MACROD2: variants seen among roughly 807,000 people sequenced by gnomAD.
The protein encoded by MACROD2 is ADP-ribose glycohydrolase MACROD2.
In MACROD2, 36 loss-of-function variants were observed where a neutral mutation model predicts 70.4. The ratio of observed to expected loss-of-function variants is 0.51; its 90% CI spans 0.39 to 0.68. The LOEUF (loss-of-function observed/expected upper bound fraction) is 0.68. Among genes scored for constraint, MACROD2 ranks in the 30% least tolerant of loss-of-function variants. MACROD2 has a pLI of 0.00. For missense variants in MACROD2, 496 were observed against 538.4 expected (o/e 0.92, Z 0.78); for synonymous variants, 172 against 178.8 (o/e 0.96, Z 0.30).
At chr20:14,638,265 T>C (rs1302491270) in intron 4 of MACROD2, among the ~76,000 whole-genome samples, 3 of 152,214 alleles carry the variant, frequency 2.0e-5, no homozygotes, top group Non-Finnish European at 2.9e-5. Flanking sequence ...TTACATTTCA[T>C]ACTTACAAAA....
intron 5 of MACROD2, among the ~76,000 whole-genome samples, chr20:15,162,252 G>C (rs571837576): frequency 6.6e-6 from 1 of 152,198 alleles, no homozygotes; most frequent in South Asian, 2.1e-4. Flanking sequence ...AGAAAGAGGA[G>C]TGGTAGGAGT....
intron 3 of MACROD2, among the ~76,000 whole-genome samples, chr20:14,365,493 TA>T (rs576300707): frequency 7.2e-4 from 109 of 152,054 alleles, no homozygotes; most frequent in African/African-American, 2.5e-3. Flanking sequence ...GATTATTGTA[TA>T]TTTTTTACCC....
intron 5 of MACROD2, among the ~76,000 whole-genome samples, chr20:15,140,684 T>C (rs1429573886): frequency 6.6e-6 from 1 of 152,098 alleles, no homozygotes; most frequent in African/African-American, 2.4e-5. Flanking sequence ...GAACATGGTC[T>C]GGGAAGGAAA....
chr20:15,956,347 T>G (rs2065976598), intron 12 of MACROD2, among the ~76,000 whole-genome samples: 1 of 152,214 alleles, frequency 6.6e-6, no homozygotes, highest in African/African-American at 2.4e-5. Context: ...GAGTTTCAGA[T>G]TTTTAACAGT....
chr20:14,474,231 TC>T (rs1286565029), intron 3 of MACROD2, among the ~76,000 whole-genome samples: 1 of 152,094 alleles, frequency 6.6e-6, no homozygotes, highest in Non-Finnish European at 1.5e-5. Context: ...TGAGGTCTTA[TC>T]CAAAAAAACC....
intron 3 of MACROD2, among the ~76,000 whole-genome samples, chr20:14,386,015 C>CA (rs909764045): frequency 1.4e-5 from 2 of 138,750 alleles, no homozygotes; most frequent in African/African-American, 4.9e-5. Context: ...CTGTATGAGC[C>CA]AATACAGCGT....
intron 3 of MACROD2, among the ~76,000 whole-genome samples, chr20:14,226,400 A>T (rs2081733884): frequency 6.6e-6 from 1 of 152,164 alleles, no homozygotes; most frequent in Non-Finnish European, 1.5e-5. Flanking sequence ...CTGGGCTCCC[A>T]CTTTGGCGGC....
chr20:14,640,826 C>A (rs138121779), intron 4 of MACROD2, among the ~76,000 whole-genome samples: 1 of 152,166 alleles, frequency 6.6e-6, no homozygotes, highest in African/African-American at 2.4e-5. Context: ...ATCATCTGAG[C>A]CTTCAACAAG....
At chr20:14,198,719 C>T (rs1229323604) in intron 3 of MACROD2, among the ~76,000 whole-genome samples, 1 of 152,122 alleles carries the variant, frequency 6.6e-6, no homozygotes, top group Non-Finnish European at 1.5e-5. Flanking sequence ...TTTCCAGTCT[C>T]TGATCCTTTT....
rs769199736 is a variant in MACROD2, at chr20:14,215,996, CA to C, written c.271+130272del. On this transcript the variant is annotated intron_variant, in intron 3 of 17. Transcript: ENST00000684519. The stretch of plus-strand genomic sequence containing the variant: ...TCTGCTGACTGTTCCTTTTGCTGTG[CA>C]AAAGCTCTTTAGTTTAATTAAGTCC... Among the ~76,000 whole-genome samples the C allele has an allele frequency of 8.5e-5, 13 of 152,234 alleles. No homozygotes were observed. In the East Asian group the frequency reaches 1.9e-3, roughly 23 times the overall value.
At chr20:14,635,979 G>A (rs1984765663) in intron 4 of MACROD2, among the ~76,000 whole-genome samples, 1 of 152,090 alleles carries the variant, frequency 6.6e-6, no homozygotes, top group African/African-American at 2.4e-5. Flanking sequence ...TTAGTCTAAT[G>A]TTCAATGGGA....
rs1015161821 is a variant in MACROD2 at position 14,707,667 on chromosome 20, A to T, written c.418+22708A>T. ...ATTCGGACTCAGCAAGATCATTTTTATTTTTGACCAGAACCTTATAAATAA... is the reference window on the plus strand; with the variant it reads ...ATTCGGACTCAGCAAGATCATTTTTTTTTTTGACCAGAACCTTATAAATAA... On this transcript the variant is annotated intron_variant, in intron 5 of 17. Transcript: ENST00000684519. Among the ~76,000 whole-genome samples the T allele has an allele frequency of 3.3e-5, 5 of 152,278 alleles. No individual in the cohort carries two copies. In the East Asian group the frequency reaches 9.6e-4, roughly 29 times the overall value.
At chr20:14,074,375 T>C (rs2053890054) in intron 2 of MACROD2, among the ~76,000 whole-genome samples, 1 of 152,216 alleles carries the variant, frequency 6.6e-6, no homozygotes, top group Non-Finnish European at 1.5e-5. Flanking sequence ...CATCCAGGAC[T>C]CAGCTGTATA....
At chr20:14,718,756 G>GAAAATGATAAAATAATACTCGTGAAA (rs1170213221) in intron 5 of MACROD2, among the ~76,000 whole-genome samples, 4 of 151,638 alleles carry the variant, frequency 2.6e-5, no homozygotes, top group Non-Finnish European at 5.9e-5. Context: ...AACTTTTCCA[G>GAAAATGATAAAATAATACTCGTGAAA]AAAATGATAA....
chr20:15,208,936 G>T (rs888327945), intron 5 of MACROD2, among the ~76,000 whole-genome samples: 2 of 152,118 alleles, frequency 1.3e-5, no homozygotes, highest in Non-Finnish European at 2.9e-5. Context: ...AGGACAGGAA[G>T]TGCCTCGGTA....
At chr20:15,668,682 G>A (rs909458703) in intron 8 of MACROD2, among the ~76,000 whole-genome samples, 7 of 152,132 alleles carry the variant, frequency 4.6e-5, no homozygotes, top group South Asian at 2.1e-4. Flanking sequence ...GATGTTTGTC[G>A]CAAAATTATC....
chr20:15,380,248 A>G (rs1458026148), intron 6 of MACROD2, among the ~76,000 whole-genome samples: 2 of 152,200 alleles, frequency 1.3e-5, no homozygotes, highest in Non-Finnish European at 2.9e-5. Flanking sequence ...CTATTTTTGT[A>G]GCAGGATGTT....
In MACROD2 at chr20:15,896,175, A is replaced by AT. The variant is rs1206512483; in HGVS notation, c.775+10371dup. On this transcript the variant is annotated intron_variant, in intron 10 of 17. Transcript: ENST00000684519. ...TGTTTTTTTAGCTTGGTCATTTCAT[A>AT]TTTTTTTAGAAAGAGAAGCTCCTGG... Among the ~76,000 whole-genome samples the AT allele has an allele frequency of 4.6e-5, 7 of 152,118 alleles. No individual in the cohort carries two copies. In the East Asian group the frequency reaches 5.8e-4, roughly 13 times the overall value.
At chr20:15,894,212 CG>C (rs1383981142) in intron 10 of MACROD2, among the ~76,000 whole-genome samples, 7 of 152,176 alleles carry the variant, frequency 4.6e-5, no homozygotes, top group African/African-American at 1.7e-4. Flanking sequence ...CCGGGGCTTC[CG>C]GTGCTAAGTA....
Sources: allele counts gnomAD v4.1 joint callset (sites outside exome capture counted in the v4.1 genomes callset), GRCh38; gene constraint gnomAD v4.1.1; transcripts MANE v1.5; gene names NCBI Gene and HGNC (gene_info 2026-07-23, HGNC 2026-07-21).